The following PTPRM variants were observed in gnomAD, a reference collection of about 807,000 sequenced individuals.
PTPRM encodes the protein receptor-type tyrosine-protein phosphatase mu.
PTPRM carries 47 observed loss-of-function variants against 186.7 expected under a neutral mutation model. That is an observed-to-expected ratio of 0.25 (90% CI 0.20 to 0.32). The LOEUF (loss-of-function observed/expected upper bound fraction) is 0.32. Among genes scored for constraint, PTPRM ranks in the 10% least tolerant of loss-of-function variants. The pLI is 1.00. For synonymous variants in PTPRM, 668 were observed against 674.9 expected (o/e 0.99, Z 0.16); for missense variants, 1,494 against 1,865.0 (o/e 0.80, Z 3.66).
chr18:8,335,511 A>AG (rs2095434244), intron 22 of PTPRM, among the ~76,000 whole-genome samples: 1 of 152,226 alleles, frequency 6.6e-6, no homozygotes, highest in African/African-American at 2.4e-5. Flanking sequence ...TGTTTATGTA[A>AG]GTGTATTTGT....
intron 22 of PTPRM, among the ~76,000 whole-genome samples, chr18:8,340,823 A>G (rs138303217): frequency 2.6e-5 from 4 of 152,242 alleles, no homozygotes; most frequent in African/African-American, 9.6e-5. Flanking sequence ...ACCCACCTCC[A>G]CCCCAACCCA....
intron 1 of PTPRM, among the ~76,000 whole-genome samples, chr18:7,715,149 C>T (rs1282871308): frequency 1.3e-5 from 2 of 152,106 alleles, no homozygotes; most frequent in African/African-American, 2.4e-5. Flanking sequence ...CATCAAAAAG[C>T]TCAACCACCA....
At chr18:8,034,646 G>C (rs2086208888) in intron 7 of PTPRM, among the ~76,000 whole-genome samples, 1 of 152,148 alleles carries the variant, frequency 6.6e-6, no homozygotes, top group South Asian at 2.1e-4. Flanking sequence ...GTGGCCCAGT[G>C]CTCCACTCTG....
chr18:7,878,469 T>C (rs918331784), intron 2 of PTPRM, among the ~76,000 whole-genome samples: 2 of 152,186 alleles, frequency 1.3e-5, no homozygotes, highest in Non-Finnish European at 2.9e-5. Context: ...TCTTCAGGAA[T>C]GTGGGGAGCT....
intron 32 of PTPRM, among the ~76,000 whole-genome samples, chr18:8,398,125 A>C (rs1598609371): frequency 6.6e-6 from 1 of 152,288 alleles, no homozygotes; most frequent in East Asian, 1.9e-4. Context: ...GGGGCATGCA[A>C]CCATGCCTGG....
intron 1 of PTPRM, among the ~76,000 whole-genome samples, chr18:7,678,291 C>G (rs2039396352): frequency 1.3e-5 from 2 of 152,122 alleles, no homozygotes; most frequent in Admixed American, 1.3e-4. Context: ...GGATAGGGCT[C>G]CTGTTGACAC....
At chr18:8,115,331 A>T (rs915351238) in intron 13 of PTPRM, among the ~76,000 whole-genome samples, 2 of 152,172 alleles carry the variant, frequency 1.3e-5, no homozygotes, top group African/African-American at 4.8e-5. Context: ...GCTGTGGAGC[A>T]TCTATTTCCC....
intron 2 of PTPRM, among the ~76,000 whole-genome samples, chr18:7,865,254 G>A (rs2047619934): frequency 2.0e-5 from 3 of 152,182 alleles, no homozygotes; most frequent in Admixed American, 6.5e-5. Flanking sequence ...AGTGGTGAGA[G>A]AGGGCATCTT....
chr18:8,116,519 C>T (rs1010036069), intron 13 of PTPRM, among the ~76,000 whole-genome samples: 4 of 152,198 alleles, frequency 2.6e-5, no homozygotes, highest in African/African-American at 7.2e-5. Flanking sequence ...TTGCTCATGG[C>T]TCGTCACCCA....
intron 14 of PTPRM, among the ~76,000 whole-genome samples, chr18:8,168,966 T>G (rs377221188): frequency 2.0e-5 from 3 of 151,440 alleles, no homozygotes; most frequent in East Asian, 3.9e-4. Flanking sequence ...ATATTATGCA[T>G]GTAAGTTCTG....
intron 20 of PTPRM, among the ~76,000 whole-genome samples, chr18:8,308,602 A>G (rs1163699305): frequency 2.0e-5 from 3 of 152,206 alleles, no homozygotes; most frequent in African/African-American, 7.2e-5. Context: ...ATCGTGCTAA[A>G]TATTCCAAAT....
At chr18:8,139,005 G>A (rs942014551) in intron 13 of PTPRM, among the ~76,000 whole-genome samples, 3 of 151,882 alleles carry the variant, frequency 2.0e-5, no homozygotes, top group South Asian at 2.1e-4. Context: ...AGTGTCCCCC[G>A]GCCGACTCAT....
intron 14 of PTPRM, among the ~76,000 whole-genome samples, chr18:8,153,014 C>T (rs2146255238): frequency 6.6e-6 from 1 of 152,246 alleles, no homozygotes; most frequent in East Asian, 1.9e-4. Context: ...CTGCGCCTGG[C>T]CTTTCCTGGA....
At chr18:7,991,601 G>T (rs1197608555) in intron 7 of PTPRM, among the ~76,000 whole-genome samples, 1 of 152,120 alleles carries the variant, frequency 6.6e-6, no homozygotes, top group Non-Finnish European at 1.5e-5. Context: ...GGAACCAGCT[G>T]CACCAAGCAG....
intron 1 of PTPRM, among the ~76,000 whole-genome samples, chr18:7,751,794 T>A (rs1269917378): frequency 6.6e-6 from 1 of 152,244 alleles, no homozygotes; most frequent in African/African-American, 2.4e-5. Flanking sequence ...GCCTTCAACC[T>A]AGTCAGTTCA....
chr18:7,819,092 C>T (rs945506303), intron 2 of PTPRM, among the ~76,000 whole-genome samples: 1 of 152,132 alleles, frequency 6.6e-6, no homozygotes, highest in South Asian at 2.1e-4. Flanking sequence ...GAGAAATGTC[C>T]AGTGGTTTCT....
At chr18:8,319,842 C>G (rs1361577771) in intron 22 of PTPRM, among the ~76,000 whole-genome samples, 1 of 152,122 alleles carries the variant, frequency 6.6e-6, no homozygotes, top group Non-Finnish European at 1.5e-5. Flanking sequence ...TTAGTTCTCC[C>G]AGGTGGAAAG....
chr18:8,367,752 C>G (rs117447440), intron 23 of PTPRM, among the ~76,000 whole-genome samples: 1,565 of 152,318 alleles, frequency 0.01, 21 homozygotes, highest in Non-Finnish European at 0.016. Flanking sequence ...AGAAACCGAG[C>G]TTTCAGTGCA....
intron 14 of PTPRM, among the ~76,000 whole-genome samples, chr18:8,232,541 T>C (rs1003136037): frequency 6.6e-6 from 1 of 152,206 alleles, no homozygotes; most frequent in Non-Finnish European, 1.5e-5. Flanking sequence ...TTTCTTTTTT[T>C]TGAGATGGAG....
Sources: allele counts gnomAD v4.1 joint callset (sites outside exome capture counted in the v4.1 genomes callset), GRCh38; gene constraint gnomAD v4.1.1; transcripts MANE v1.5; gene names NCBI Gene and HGNC (gene_info 2026-07-23, HGNC 2026-07-21).